Variants in IFT22 observed in about 807,000 individuals in gnomAD.
IFT22 encodes the protein intraflagellar transport 22.
In IFT22, 13 loss-of-function variants were observed where a neutral mutation model predicts 21.0. The observed-to-expected ratio is 0.62, with a 90% CI of 0.40 to 0.98. IFT22 has a LOEUF of 0.98. Among genes scored for constraint, IFT22 ranks in the 50% least tolerant of loss-of-function variants. IFT22 has a pLI of 0.00. For missense variants in IFT22, 227 were observed against 228.9 expected, an observed-to-expected ratio of 0.99 and a Z score of 0.06; for synonymous variants, 67 against 82.4, an observed-to-expected ratio of 0.81 and a Z score of 1.01.
In IFT22 at chr7:101,312,509, AAATAT is replaced by A. The variant is rs1214070264; in HGVS notation, c.*2620_*2624del. 2.0e-5 allele frequency among the ~76,000 whole-genome samples: 3 copies of A among 151,650 alleles called. No homozygotes were observed. Among genetic ancestry groups the A allele is most frequent in the African/African-American group, 4.8e-5 (2 of 41,298 alleles). The stretch of plus-strand genomic sequence containing the variant: ...GTGTCCATATCAAGGTCATCTAAAT[AAATAT>A]AATGTTTTGGAGAGAGTTGTTTTTT... On this transcript the variant is annotated 3_prime_UTR_variant, in exon 5 of 5. Transcript: ENST00000315322.
chr7:101,310,990 T>TC lies in IFT22; in HGVS notation c.*4143_*4144insG, dbSNP rs71126399. 12 of 76,190 alleles carry TC rather than the reference T, an allele frequency of 1.6e-4. No homozygotes were observed. In the East Asian group the frequency reaches 3.5e-3, roughly 22 times the overall value. The allele number at this position is 76,190 out of a possible 1,614,324, so 4.7% of individuals were successfully genotyped here. A position where few individuals can be genotyped will look rare whatever the true frequency, so the allele number is the denominator to read the frequency against. On this transcript the variant is annotated 3_prime_UTR_variant, in exon 5 of 5. Transcript: ENST00000315322. ...AGGTGAACAAAATCTGCTGGGTTAA[T>TC]TTTTTTTTTTTTTTTTTTTTTGAGA... is the stretch of plus-strand genomic sequence containing the variant.
In IFT22 at chr7:101,312,218, A is replaced by T. The variant is rs981313732; in HGVS notation, c.*2916T>A. 1.6e-4 allele frequency among the ~76,000 whole-genome samples: 25 copies of T among 152,134 alleles called. No homozygotes were observed. The highest frequency in any genetic ancestry group is 3.2e-3 in the Middle Eastern group (1 of 316). ...CAGGAGTTCGAGATCAGCTGGGGCA[A>T]CATGGCAAAACCCCATCTCTACAAA... On this transcript the variant is annotated 3_prime_UTR_variant, in exon 5 of 5. Coordinates refer to ENST00000315322, the MANE Select transcript of IFT22 (RefSeq NM_022777.4).
At position 101,314,273 on chromosome 7, in the gene IFT22, C is replaced by CA. The variant is rs1367021250; in HGVS notation, c.*860dup. ...CCGGGCTCAAACAATTCTTATGCCT[C>CA]AGCCTCCCAAGTAGCTGGGATTACA... is the stretch of plus-strand genomic sequence containing the variant. On this transcript the variant is annotated 3_prime_UTR_variant, in exon 5 of 5. Coordinates refer to ENST00000315322, the MANE Select transcript of IFT22 (RefSeq NM_022777.4). 1.3e-5 allele frequency: 2 copies of CA among 152,174 alleles called. No homozygotes were observed. Among genetic ancestry groups the CA allele is most frequent in the Admixed American group, 6.6e-5 (1 of 15,264 alleles). The allele number at this position is 152,174 out of a possible 1,614,324, so 9.4% of individuals were successfully genotyped here. A position where few individuals can be genotyped will look rare whatever the true frequency, so the allele number is the denominator to read the frequency against.
intron 1 of IFT22, among the ~76,000 whole-genome samples, chr7:101,319,964 A>AT (rs201174704): frequency 0.17 from 24,150 of 146,010 alleles, 2,037 homozygotes; most frequent in African/African-American, 0.19. Flanking sequence ...GTTTTATTTT[A>AT]TTTTTTTTTT....
At chr7:101,320,018 G>C (rs921316177) in intron 1 of IFT22, among the ~76,000 whole-genome samples, 1 of 151,566 alleles carries the variant, frequency 6.6e-6, no homozygotes, top group Non-Finnish European at 1.5e-5. Context: ...GTGCAATGGC[G>C]CGATCTTGGC....
intron 4 of IFT22, 155 bp from the exon 5 acceptor site, chr7:101,315,437 T>C: frequency 1.3e-6 from 1 of 764,712 alleles, no homozygotes; most frequent in Non-Finnish European, 2.1e-6. Context: ...TTTGCTATAC[T>C]GCCCCCTGGC....
At position 101,318,955 on chromosome 7, in the gene IFT22, C is replaced by T. The variant is rs746089923; in HGVS notation, c.116+1G>A. On this transcript the variant is annotated splice_donor_variant, in intron 2 of 4. Transcript: ENST00000315322. LOFTEE classifies it high-confidence loss of function. ...TGGGACACAGATTTGTCAGGGCTCA[C>T]CTCACTCCTTGGGTTGGGCTGTATT... 6.2e-7 allele frequency: 1 copy of T among 1,612,440 alleles called. No individual in the cohort carries two copies. Among genetic ancestry groups the T allele is most frequent in the Non-Finnish European group, 8.5e-7 (1 of 1,178,494 alleles).
rs1182919533 is a variant in IFT22, at chr7:101,318,443, C to T, written c.117-230G>A. On this transcript the variant is annotated intron_variant, in intron 2 of 4. Coordinates refer to ENST00000315322, the MANE Select transcript of IFT22 (RefSeq NM_022777.4). ...GCTAAGGCAGGAGAATCGCTTGAAC[C>T]TGGGAGGCGGAGATTGCAGTGAGCT... The T allele has an allele frequency of 4.2e-5, 16 of 379,492 alleles. 1 individual carries two copies. The highest frequency in any genetic ancestry group is 3.9e-4 in the South Asian group (15 of 38,244). 23.5% of individuals were successfully genotyped at this position (379,492 alleles called of 1,614,324 possible). A position where few individuals can be genotyped will look rare whatever the true frequency, so the allele number is the denominator to read the frequency against.
At chr7:101,318,050 G>A (rs946983193) in intron 3 of IFT22, 74 bp downstream of exon 3, 3 of 1,315,248 alleles carry the variant, frequency 2.3e-6, no homozygotes, top group African/African-American at 1.5e-5. Context: ...TTACAGGTGT[G>A]AGCCACCGCC....
chr7:101,320,242 C>T (rs1432924795), intron 1 of IFT22, among the ~76,000 whole-genome samples: 1 of 151,444 alleles, frequency 6.6e-6, no homozygotes, highest in Non-Finnish European at 1.5e-5. Context: ...GAAGCGTGAG[C>T]CTCCGCATCC....
At chr7:101,321,160 C>T (rs1790335201) in intron 1 of IFT22, among the ~76,000 whole-genome samples, 1 of 151,700 alleles carries the variant, frequency 6.6e-6, no homozygotes, top group Non-Finnish European at 1.5e-5. Context: ...CAAAACAAAA[C>T]AAAAACAACA....
Position 101,314,984 on chromosome 7 carries a change from C to T in IFT22, c.*150G>A. On this transcript the variant is annotated 3_prime_UTR_variant, in exon 5 of 5. Transcript: ENST00000315322. ...AGAGCACAGATGGTCTGAGTGAACG[C>T]CCTGTGTGACAGGTGCCTTCCTGCA... 1 of 763,574 alleles carries T rather than the reference C, an allele frequency of 1.3e-6. No individual in the cohort carries two copies. The allele number at this position is 763,574 out of a possible 1,614,324, so 47.3% of individuals were successfully genotyped here.
At chr7:101,321,550 G>T in intron 1 of IFT22, 121 bp downstream of exon 1, 1 of 1,007,140 alleles carries the variant, frequency 9.9e-7, no homozygotes, top group Non-Finnish European at 1.4e-6. Flanking sequence ...CGGGATGGGC[G>T]CGGTGGGCCC....
rs1226336382 is a variant in IFT22, at chr7:101,312,512, TATA to T, written c.*2619_*2621del. ...TCCATATCAAGGTCATCTAAATAAA[TATA>T]ATGTTTTGGAGAGAGTTGTTTTTTT... On this transcript the variant is annotated 3_prime_UTR_variant, in exon 5 of 5. Coordinates refer to ENST00000315322, the MANE Select transcript of IFT22 (RefSeq NM_022777.4). 6.7e-6 allele frequency among the ~76,000 whole-genome samples: 1 copy of T among 149,356 alleles called. No homozygotes were observed. The highest frequency in any genetic ancestry group is 1.5e-5 in the Non-Finnish European group (1 of 67,476).
rs1770258260 is a variant in IFT22, at chr7:101,312,581, G to T, written c.*2553C>A. Among the ~76,000 whole-genome samples the T allele has an allele frequency of 7.0e-6, 1 of 143,606 alleles. No homozygotes were observed. Among genetic ancestry groups the T allele is most frequent in the African/African-American group, 2.6e-5 (1 of 38,282 alleles). 94.2% of individuals were successfully genotyped at this position (143,606 alleles called of 152,430 possible). On this transcript the variant is annotated 3_prime_UTR_variant, in exon 5 of 5. Transcript: ENST00000315322. ...GACGGAGTCTCGCTATGTTGCCGAG[G>T]CTGGAGAGCAGTGGCGCGATCTTGG...
At position 101,316,419 on chromosome 7, in the gene IFT22, C is replaced by T. The variant is rs145991606; in HGVS notation, c.330G>A (p.Pro110=). 2.3e-4 allele frequency: 374 copies of T among 1,614,102 alleles called. No homozygotes were observed. The African/African-American group carries it at 3.3e-3, about 14-fold the overall frequency. The change falls in exon 4 of 5, where the codon CCG becomes CCA. Residue 110 remains proline, a synonymous_variant. Transcript: ENST00000315322. ...GCATACACTGTGTGTCCTGTAAGGA[C>T]GGCTGTTGGACAAAGCAGGAATACC... ...EMWYSCFVQQ[P]SLQDTQCMLI...
rs1789981185 is a variant in IFT22, at chr7:101,311,592, C to T, written c.*3542G>A. On this transcript the variant is annotated 3_prime_UTR_variant, in exon 5 of 5. Coordinates refer to ENST00000315322, the MANE Select transcript of IFT22 (RefSeq NM_022777.4). ...GACACCCTAGCATTTTTATTCATCT[C>T]CCTTAGGTGCCTCAACTTTTTCTCC... is the stretch of plus-strand genomic sequence containing the variant. Among the ~76,000 whole-genome samples the T allele has an allele frequency of 6.6e-6, 1 of 152,198 alleles. No individual in the cohort carries two copies. The highest frequency in any genetic ancestry group is 1.5e-5 in the Non-Finnish European group (1 of 68,038).
At position 101,316,483 on chromosome 7, in the gene IFT22, T is replaced by A. The variant is rs139909765; in HGVS notation, c.266A>T (p.Asn89Ile). ...CTTCCGGTGGCTTGGGATGTCAGCA[T>A]TGAAGACGATCACCACTCCATGAGC... is the stretch of plus-strand genomic sequence containing the variant. ...KDAHGVVIVF[N>I]ADIPSHRKEM... The change falls in exon 4 of 5, where the codon AAT becomes ATT. Residue 89 changes from asparagine to isoleucine, a missense_variant. By Grantham distance (149) the Asn-to-Ile change is moderately radical. Transcript: ENST00000315322. 104 of 1,614,118 alleles carry A rather than the reference T, an allele frequency of 6.4e-5. No homozygotes were observed. The South Asian group carries it at 6.6e-4, about 10-fold the overall frequency.
intron 3 of IFT22, among the ~76,000 whole-genome samples, chr7:101,317,762 G>A (rs1275377352): frequency 6.6e-6 from 1 of 151,952 alleles, no homozygotes; most frequent in Non-Finnish European, 1.5e-5. Context: ...TGTCGCCCAG[G>A]CTGGAGTACA....
Sources: allele counts gnomAD v4.1 joint callset (sites outside exome capture counted in the v4.1 genomes callset), GRCh38; gene constraint gnomAD v4.1.1; transcripts MANE v1.5; gene names NCBI Gene and HGNC (gene_info 2026-07-23, HGNC 2026-07-21).